The following GRAMD1B variants were observed in gnomAD, a reference collection of about 807,000 sequenced individuals.
GRAMD1B encodes GRAM domain containing 1B, also known as protein Aster-B.
GRAMD1B carries 37 observed loss-of-function variants against 99.7 expected under a neutral mutation model. That is an observed-to-expected ratio of 0.37 (90% confidence interval 0.29 to 0.49). The LOEUF is 0.49. Ranked by LOEUF, GRAMD1B falls within the 20% of genes least tolerant of loss-of-function variation. GRAMD1B has a pLI of 0.98. For missense variants in GRAMD1B, 888 were observed against 1,009.2 expected (o/e 0.88, Z 1.63); for synonymous variants, 427 against 387.6 (o/e 1.10, Z -1.19).
chr11:123,529,067 C>A (rs1943090592), intron 2 of GRAMD1B, among the ~76,000 whole-genome samples: 1 of 152,142 alleles, frequency 6.6e-6, no homozygotes, highest in African/African-American at 2.4e-5. Flanking sequence ...ATTTTTGCAG[C>A]CCCGTTGTCT....
At chr11:123,445,014 A>G (rs1036589948) in intron 1 of GRAMD1B, among the ~76,000 whole-genome samples, 1 of 152,222 alleles carries the variant, frequency 6.6e-6, no homozygotes, top group Non-Finnish European at 1.5e-5. Flanking sequence ...ACAAATAACA[A>G]GAGACACTTC....
At chr11:123,584,382 G>A in intron 4 of GRAMD1B, 50 bp downstream of exon 4, 5 of 1,193,170 alleles carry the variant, frequency 4.2e-6, no homozygotes, top group South Asian at 2.7e-5. Context: ...AATGGGAGGG[G>A]GAATGGAGGT....
intron 1 of GRAMD1B, among the ~76,000 whole-genome samples, chr11:123,363,570 C>CTTTTTTTTTTGTTTTT (rs1404217054): frequency 5.3e-5 from 8 of 151,272 alleles, no homozygotes; most frequent in African/African-American, 2.0e-4. Context: ...CTCTCTCATA[C>CTTTTTTTTTTGTTTTT]TTTTTTTTTG....
intron 2 of GRAMD1B, 49 bp from the exon 3 acceptor site, chr11:123,577,318 C>T: frequency 6.9e-7 from 1 of 1,453,914 alleles, no homozygotes; most frequent in Non-Finnish European, 9.5e-7. Context: ...CCTGCCTTTC[C>T]TCCTCCTTCT....
At chr11:123,523,554 CAGCT>C (rs1038984808) in intron 2 of GRAMD1B, among the ~76,000 whole-genome samples, 33 of 142,232 alleles carry the variant, frequency 2.3e-4, no homozygotes, top group Middle Eastern at 3.5e-3. Flanking sequence ...AAAAAAAAAA[CAGCT>C]AGAGCAAAAG....
At chr11:123,387,960 C>T (rs1344241156) in intron 1 of GRAMD1B, among the ~76,000 whole-genome samples, 1 of 151,486 alleles carries the variant, frequency 6.6e-6, no homozygotes, top group Non-Finnish European at 1.5e-5. Context: ...CCCATCTCTA[C>T]TAAAAATACA....
chr11:123,528,398 A>C (rs996469993), intron 2 of GRAMD1B, among the ~76,000 whole-genome samples: 2 of 152,248 alleles, frequency 1.3e-5, no homozygotes, highest in African/African-American at 4.8e-5. Flanking sequence ...ATATAAAATG[A>C]TGGTAAATAC....
At chr11:123,514,077 A>G (rs1941433802) in intron 2 of GRAMD1B, among the ~76,000 whole-genome samples, 2 of 152,190 alleles carry the variant, frequency 1.3e-5, no homozygotes, top group Admixed American at 1.3e-4. Flanking sequence ...GAGAGTTTAG[A>G]GATGGGTAGT....
chr11:123,555,034 T>G (rs907190400), intron 2 of GRAMD1B, among the ~76,000 whole-genome samples: 1 of 152,198 alleles, frequency 6.6e-6, no homozygotes, highest in Admixed American at 6.5e-5. Context: ...TGGTGACTTC[T>G]GCAGAAAAGC....
chr11:123,478,614 A>G (rs1360489639), intron 1 of GRAMD1B, among the ~76,000 whole-genome samples: 4 of 152,154 alleles, frequency 2.6e-5, no homozygotes, highest in South Asian at 4.1e-4. Context: ...TGCAAATATC[A>G]GCTTAGAATT....
At chr11:123,450,510 CA>C (rs1319390586) in intron 1 of GRAMD1B, among the ~76,000 whole-genome samples, 4 of 152,246 alleles carry the variant, frequency 2.6e-5, no homozygotes, top group South Asian at 4.2e-4. Flanking sequence ...AGACTGTCAG[CA>C]AATTATCAGT....
intron 2 of GRAMD1B, among the ~76,000 whole-genome samples, chr11:123,513,578 TTTCCTTCC>T (rs779709381): frequency 5.3e-4 from 22 of 41,676 alleles, no homozygotes; most frequent in East Asian, 9.2e-4. Context: ...CCTTCCTTCC[TTTCCTTCC>T]TTCCTTCCTT....
rs116992057 is a variant in GRAMD1B, at chr11:123,497,987, G to A, written c.452+17094G>A. 7.3e-3 allele frequency among the ~76,000 whole-genome samples: 1,109 copies of A among 151,056 alleles called. 23 individuals are homozygous for A. Among genetic ancestry groups the A allele is most frequent in the East Asian group, 0.051 (259 of 5,124 alleles). On this transcript the variant is annotated intron_variant, in intron 2 of 19. Transcript: ENST00000635736. ...TTCCCACTCTTCCCTCCCCCTTCCC[G>A]GCCAGAGGAGCCTCTCCCTGTGGCC...
At chr11:123,548,552 G>C (rs1178604742) in intron 2 of GRAMD1B, among the ~76,000 whole-genome samples, 1 of 151,728 alleles carries the variant, frequency 6.6e-6, no homozygotes, top group Non-Finnish European at 1.5e-5. Flanking sequence ...TTGCCCTCTG[G>C]AGAGTCCAGG....
chr11:123,563,766 A>C (rs146292415), intron 2 of GRAMD1B, among the ~76,000 whole-genome samples: 456 of 152,286 alleles, frequency 3.0e-3, no homozygotes, highest in African/African-American at 9.1e-3. Flanking sequence ...TCTTTTTAAA[A>C]TCATAAATAA....
intron 10 of GRAMD1B, among the ~76,000 whole-genome samples, 178 bp downstream of exon 10, chr11:123,605,656 C>T (rs967986353): frequency 1.3e-5 from 2 of 152,146 alleles, no homozygotes; most frequent in African/African-American, 2.4e-5. Flanking sequence ...TGGCATAGCC[C>T]GGGGTCCAGA....
chr11:123,611,132 G>A (rs1416989467), intron 14 of GRAMD1B, among the ~76,000 whole-genome samples: 1 of 152,098 alleles, frequency 6.6e-6, no homozygotes, highest in Non-Finnish European at 1.5e-5. Context: ...AGATCTCTTG[G>A]GCTTCAAGAA....
chr11:123,520,702 C>T (rs1411751031), intron 2 of GRAMD1B, among the ~76,000 whole-genome samples: 1 of 149,308 alleles, frequency 6.7e-6, no homozygotes, highest in Non-Finnish European at 1.5e-5. Flanking sequence ...TCACTGGAGC[C>T]CAGGAGGTGG....
In GRAMD1B at chr11:123,492,865, T is replaced by TACAC. The variant is rs58113764; in HGVS notation, c.452+11999_452+12002dup. On this transcript the variant is annotated intron_variant, in intron 2 of 19. Coordinates refer to ENST00000635736, the MANE Select transcript of GRAMD1B (RefSeq NM_001387025.1). This position sits in a 1 kb window ranked among gnomAD's most constrained non-coding sequence, Gnocchi z 4.2. The stretch of plus-strand genomic sequence containing the variant: ...TCTCTCTGTCTCTCTCTTTCACACA[T>TACAC]ACACACACACACACACACACACACA... 0.024 allele frequency among the ~76,000 whole-genome samples: 3,536 copies of TACAC among 147,968 alleles called. 75 individuals are homozygous for TACAC. The highest frequency in any genetic ancestry group is 0.041 in the African/African-American group (1,650 of 39,974).
Sources: gnomAD v4.1 joint callset for allele counts (sites outside exome capture counted in the v4.1 genomes callset) on GRCh38, gnomAD v4.1.1 for gene constraint, Gnocchi (gnomAD v3.1) non-coding constraint, MANE v1.5 for transcripts, NCBI Gene and HGNC (gene_info 2026-07-23, HGNC 2026-07-21) for gene names.